ZMYM4: variants seen among roughly 807,000 people sequenced by gnomAD.
The protein encoded by ZMYM4 is zinc finger MYM-type protein 4.
A neutral mutation model predicts 183.2 loss-of-function variants in ZMYM4; 31 were observed. That is an observed-to-expected ratio of 0.17 (90% CI 0.13 to 0.23). The LOEUF (loss-of-function observed/expected upper bound fraction) is 0.23, where lower values mean the gene tolerates loss of function less well. ZMYM4 is among the 10% of genes least tolerant of loss of function. ZMYM4 has a pLI of 1.00. For missense variants in ZMYM4, 1,273 were observed against 1,840.3 expected (o/e 0.69, Z 5.64); for synonymous variants, 592 against 631.2 (o/e 0.94, Z 0.93).
chr1:35,270,904 T>G (rs1639565299), intron 1 of ZMYM4, among the ~76,000 whole-genome samples: 1 of 152,220 alleles, frequency 6.6e-6, no homozygotes, highest in Admixed American at 6.5e-5. Context: ...ACAATAAATT[T>G]TTACCATTGA....
intron 9 of ZMYM4, among the ~76,000 whole-genome samples, chr1:35,385,004 G>C (rs966586193): frequency 1.8e-4 from 28 of 151,800 alleles, no homozygotes; most frequent in African/African-American, 6.8e-4. Context: ...CACTATGCCT[G>C]GCTAATTTTT....
At chr1:35,323,039 C>T (rs1339132466) in intron 1 of ZMYM4, among the ~76,000 whole-genome samples, 3 of 150,420 alleles carry the variant, frequency 2.0e-5, no homozygotes, top group Non-Finnish European at 3.0e-5. Context: ...ATGCTTTGTC[C>T]CCTAGGCTGG....
intron 20 of ZMYM4, 69 bp from the exon 21 acceptor site, chr1:35,398,344 A>C: frequency 2.3e-6 from 3 of 1,326,616 alleles, no homozygotes. Context: ...TATATAGTGC[A>C]GTCATTTCAT....
chr1:35,299,519 AG>A (rs1255636707), intron 1 of ZMYM4, among the ~76,000 whole-genome samples: 1 of 151,936 alleles, frequency 6.6e-6, no homozygotes, highest in Non-Finnish European at 1.5e-5. Flanking sequence ...TAAATGAAGT[AG>A]TGGCCCCCAA....
At chr1:35,355,656 C>T (rs1643795979) in intron 2 of ZMYM4, among the ~76,000 whole-genome samples, 1 of 152,016 alleles carries the variant, frequency 6.6e-6, no homozygotes, top group African/African-American at 2.4e-5. Context: ...TTTTTAAAGT[C>T]ACATTTGATC....
intron 1 of ZMYM4, among the ~76,000 whole-genome samples, chr1:35,311,146 A>G (rs1332742326): frequency 6.6e-6 from 1 of 152,000 alleles, no homozygotes; most frequent in Non-Finnish European, 1.5e-5. Flanking sequence ...AAGGCCAGGC[A>G]TTGTGGCTCA....
At chr1:35,299,830 TG>T (rs1226142814) in intron 1 of ZMYM4, among the ~76,000 whole-genome samples, 1 of 152,032 alleles carries the variant, frequency 6.6e-6, no homozygotes, top group East Asian at 1.9e-4. Flanking sequence ...AGTCTTGCTC[TG>T]TTGCCCAGGC....
intron 1 of ZMYM4, chr1:35,308,951 G>C: frequency 1.0e-5 from 10 of 984,638 alleles, no homozygotes; most frequent in Non-Finnish European, 1.2e-5. Context: ...GACATAGCAA[G>C]TTGAAAGATT....
At chr1:35,343,401 A>C (rs1446022696) in intron 2 of ZMYM4, among the ~76,000 whole-genome samples, 1 of 152,190 alleles carries the variant, frequency 6.6e-6, no homozygotes, top group Admixed American at 6.6e-5. Context: ...CAGTTGTATC[A>C]GTAACATTTA....
At chr1:35,314,374 T>G (rs1570330119) in intron 1 of ZMYM4, among the ~76,000 whole-genome samples, 1 of 151,938 alleles carries the variant, frequency 6.6e-6, no homozygotes, top group Non-Finnish European at 1.5e-5. Context: ...AACCTCCGCC[T>G]CCCGGGTTCC....
At chr1:35,323,801 G>A (rs371883721) in intron 1 of ZMYM4, among the ~76,000 whole-genome samples, 4 of 150,866 alleles carry the variant, frequency 2.7e-5, no homozygotes, top group Middle Eastern at 3.5e-3. Flanking sequence ...TGATCCACCC[G>A]TCTCGGCCTC....
At chr1:35,269,216 C>A in intron 1 of ZMYM4, 131 bp downstream of exon 1, 1 of 992,646 alleles carries the variant, frequency 1.0e-6, no homozygotes, top group Non-Finnish European at 1.3e-6. Flanking sequence ...AGGTCTGAGG[C>A]AGCCTTGGGT....
chr1:35,386,640 T>G (rs956710379), intron 11 of ZMYM4, among the ~76,000 whole-genome samples: 1 of 152,208 alleles, frequency 6.6e-6, no homozygotes, highest in African/African-American at 2.4e-5. Context: ...ATTTATTAGG[T>G]GTTTGCTAGG....
intron 5 of ZMYM4, among the ~76,000 whole-genome samples, chr1:35,368,827 A>T (rs983207697): frequency 6.6e-6 from 1 of 152,202 alleles, no homozygotes; most frequent in Non-Finnish European, 1.5e-5. Flanking sequence ...TCTTGGTGCC[A>T]TTGGAGCCGG....
intron 1 of ZMYM4, among the ~76,000 whole-genome samples, chr1:35,300,003 G>A (rs558459666): frequency 6.6e-6 from 1 of 151,994 alleles, no homozygotes; most frequent in African/African-American, 2.4e-5. Context: ...CACAGTGTTC[G>A]CCAGGATGGT....
At chr1:35,302,200 C>CTTTTTTTTTTTTTTTTTTTTTTTTTT (rs576277396) in intron 1 of ZMYM4, among the ~76,000 whole-genome samples, 4 of 58,548 alleles carry the variant, frequency 6.8e-5, no homozygotes, top group African/African-American at 2.6e-4. Context: ...ACGGCTCTTG[C>CTTTTTTTTTTTTTTTTTTTTTTTTTT]TTTTTTTTTT....
intron 1 of ZMYM4, among the ~76,000 whole-genome samples, chr1:35,309,701 T>C (rs1001650459): frequency 1.3e-5 from 2 of 152,076 alleles, no homozygotes; most frequent in Non-Finnish European, 2.9e-5. Context: ...TGGTGATTGC[T>C]TGAGCCCAGG....
chr1:35,380,201 A>T (rs919047490), intron 7 of ZMYM4, among the ~76,000 whole-genome samples: 2 of 152,238 alleles, frequency 1.3e-5, no homozygotes, highest in African/African-American at 4.8e-5. Flanking sequence ...AGATACAAAC[A>T]TGAGTATAAA....
At chr1:35,395,198 C>CTT (rs200080316) in intron 18 of ZMYM4, among the ~76,000 whole-genome samples, 1,986 of 132,778 alleles carry the variant, frequency 0.015, 50 homozygotes, top group African/African-American at 0.047. Context: ...TGATTTAGTT[C>CTT]TTTTTTTTTT....
Sources: allele counts gnomAD v4.1 joint callset (sites outside exome capture counted in the v4.1 genomes callset), GRCh38; gene constraint gnomAD v4.1.1; transcripts MANE v1.5; gene names NCBI Gene and HGNC (gene_info 2026-07-23, HGNC 2026-07-21).